The following C1QTNF3 variants were observed in gnomAD, a reference collection of about 807,000 sequenced individuals.
The protein encoded by C1QTNF3 is C1q and TNF related 3.
C1QTNF3 carries 26 observed loss-of-function variants against 32.6 expected under a neutral mutation model. That is an observed-to-expected ratio of 0.80 (90% CI 0.58 to 1.11). C1QTNF3 has a LOEUF of 1.11. Among genes scored for constraint, C1QTNF3 ranks in the 50% least tolerant of loss-of-function variants. The probability of loss-of-function intolerance (pLI) is 0.00; values close to 1 mark genes in which losing one functional copy is unlikely to be tolerated. For missense variants in C1QTNF3, 362 were observed against 398.2 expected (o/e 0.91, Z 0.77); for synonymous variants, 155 against 146.0 (o/e 1.06, Z -0.44).
the C1QTNF3 span, among the ~76,000 whole-genome samples, chr5:34,174,797 T>C: frequency 6.6e-6 from 1 of 152,100 alleles, no homozygotes; most frequent in Non-Finnish European, 1.5e-5. Flanking sequence ...TGGAGTGCGG[T>C]GGCACAATCT....
chr5:34,105,381 C>A, the C1QTNF3 span, among the ~76,000 whole-genome samples: 1 of 152,056 alleles, frequency 6.6e-6, no homozygotes, highest in African/African-American at 2.4e-5. Context: ...TGATGTCGAG[C>A]CCTTTTTTCT....
chr5:34,095,803 C>T, the C1QTNF3 span, among the ~76,000 whole-genome samples: 1 of 151,850 alleles, frequency 6.6e-6, no homozygotes, highest in Non-Finnish European at 1.5e-5. Flanking sequence ...CGAATAAACA[C>T]AGAGAACAAA....
the C1QTNF3 span, among the ~76,000 whole-genome samples, chr5:34,123,784 C>T: frequency 1.3e-4 from 20 of 152,188 alleles, no homozygotes; most frequent in East Asian, 3.9e-4. Flanking sequence ...CTTCTATCCA[C>T]GATTTTATTT....
chr5:34,229,884 A>G, the C1QTNF3 span, among the ~76,000 whole-genome samples: 1 of 152,220 alleles, frequency 6.6e-6, no homozygotes. Flanking sequence ...TGGTGTTCTC[A>G]TGATAATGTT....
the C1QTNF3 span, among the ~76,000 whole-genome samples, chr5:34,050,820 T>C: frequency 6.6e-6 from 1 of 152,242 alleles, no homozygotes; most frequent in African/African-American, 2.4e-5. Context: ...TCAGAGAAAC[T>C]GCATATGTCA....
At chr5:34,049,035 C>G in the C1QTNF3 span, among the ~76,000 whole-genome samples, 3 of 149,950 alleles carry the variant, frequency 2.0e-5, no homozygotes, top group African/African-American at 7.3e-5. Context: ...CAATTTAATT[C>G]CTTATATAAA....
the C1QTNF3 span, among the ~76,000 whole-genome samples, chr5:34,236,271 A>G: frequency 6.6e-6 from 1 of 152,088 alleles, no homozygotes; most frequent in African/African-American, 2.4e-5. Flanking sequence ...ACGTGCCTGT[A>G]GTGCCTGTAC....
rs369760344 is a variant in C1QTNF3 at position 34,031,096 on chromosome 5, A to AAAAAG, written c.570+2203_570+2207dup. ...CCTGAACTTAGAATAAAAGTTAAAA[A>AAAAAG]AAAAGAAAAGAAAAGAAAAGCTTTT... On this transcript the variant is annotated intron_variant, in intron 3 of 5. Coordinates refer to ENST00000382065, the MANE Select transcript of C1QTNF3 (RefSeq NM_181435.6). Among the ~76,000 whole-genome samples the AAAAAG allele has an allele frequency of 5.6e-3, 855 of 152,326 alleles. 10 individuals carry two copies. The highest frequency in any genetic ancestry group is 0.02 in the African/African-American group (828 of 41,558).
the C1QTNF3 span, among the ~76,000 whole-genome samples, chr5:34,048,321 A>C: frequency 6.6e-6 from 1 of 151,722 alleles, no homozygotes. Context: ...AGAGAGAGAT[A>C]ACTTGTTGGA....
intron 4 of C1QTNF3, among the ~76,000 whole-genome samples, chr5:34,026,082 G>C (rs533809207): frequency 2.0e-5 from 3 of 152,268 alleles, no homozygotes; most frequent in Admixed American, 1.3e-4. Context: ...ATACCATATA[G>C]AGAAATGAGT....
At chr5:34,127,346 A>T in the C1QTNF3 span, among the ~76,000 whole-genome samples, 1 of 152,082 alleles carries the variant, frequency 6.6e-6, no homozygotes, top group Admixed American at 6.5e-5. Context: ...CAAAATGTCG[A>T]TAGTGATATG....
chr5:34,155,518 G>A, the C1QTNF3 span, among the ~76,000 whole-genome samples: 1 of 152,106 alleles, frequency 6.6e-6, no homozygotes, highest in Non-Finnish European at 1.5e-5. Flanking sequence ...TTTAATATCA[G>A]AGTATCTGTG....
the C1QTNF3 span, among the ~76,000 whole-genome samples, chr5:34,067,487 G>A: frequency 2.0e-5 from 3 of 152,336 alleles, no homozygotes; most frequent in South Asian, 6.2e-4. Context: ...GGAGGAGCAA[G>A]TCACATCTTA....
the C1QTNF3 span, among the ~76,000 whole-genome samples, chr5:34,078,995 C>T: frequency 2.6e-5 from 4 of 151,694 alleles, no homozygotes; most frequent in East Asian, 7.7e-4. The surrounding 1 kb of genome is among the most constrained non-coding windows in gnomAD (Gnocchi z 4.0). Flanking sequence ...TTTTTTCACA[C>T]TCTAACAACA....
chr5:34,041,374 T>C (rs185916016), intron 1 of C1QTNF3, among the ~76,000 whole-genome samples: 11 of 152,308 alleles, frequency 7.2e-5, no homozygotes, highest in Admixed American at 5.9e-4. Context: ...TGGGTGTTGG[T>C]TGTCAGGACA....
chr5:34,172,650 T>C, the C1QTNF3 span, among the ~76,000 whole-genome samples: 1 of 152,210 alleles, frequency 6.6e-6, no homozygotes. Flanking sequence ...GTAAATTCCT[T>C]AACTTGGTCC....
the C1QTNF3 span, among the ~76,000 whole-genome samples, chr5:34,177,485 T>TTTA: frequency 4.2e-5 from 6 of 141,922 alleles, no homozygotes; most frequent in African/African-American, 1.6e-4. Context: ...CCCAACTTTT[T>TTTA]TTTTTTTTTT....
chr5:34,169,649 G>C, the C1QTNF3 span, among the ~76,000 whole-genome samples: 1 of 151,988 alleles, frequency 6.6e-6, no homozygotes, highest in Admixed American at 6.6e-5. Context: ...GTTTGATATA[G>C]TCCAACTTGC....
chr5:34,132,406 A>T, the C1QTNF3 span, among the ~76,000 whole-genome samples: 17 of 143,512 alleles, frequency 1.2e-4, no homozygotes, highest in South Asian at 6.6e-4. Flanking sequence ...CAACAACAAA[A>T]ATATATATAT....
Sources: allele counts gnomAD v4.1 joint callset (sites outside exome capture counted in the v4.1 genomes callset), GRCh38; gene constraint gnomAD v4.1.1; non-coding constraint Gnocchi (gnomAD v3.1); transcripts MANE v1.5; gene names NCBI Gene and HGNC (gene_info 2026-07-23, HGNC 2026-07-21).